Variants in JAK1 observed in about 807,000 individuals in gnomAD.
JAK1 encodes the protein tyrosine-protein kinase JAK1.
A neutral mutation model predicts 136.6 loss-of-function variants in JAK1; 16 were observed. That is an observed-to-expected ratio of 0.12 (90% CI 0.08 to 0.18). The LOEUF (loss-of-function observed/expected upper bound fraction) is 0.18. Ranked by LOEUF, JAK1 falls within the 10% of genes least tolerant of loss-of-function variation. The pLI, the probability that JAK1 is intolerant of heterozygous loss-of-function variation, is 1.00. For synonymous variants in JAK1, 492 were observed against 519.5 expected (o/e 0.95, Z 0.72); for missense variants, 859 against 1,450.1 (o/e 0.59, Z 6.62).
intron 2 of JAK1, among the ~76,000 whole-genome samples, chr1:65,006,042 T>C (rs1646801383): frequency 6.6e-6 from 1 of 152,226 alleles, no homozygotes; most frequent in Non-Finnish European, 1.5e-5. Context: ...ATGTCTACAC[T>C]AATATAGAAG....
At chr1:64,991,318 CA>C (rs1189391492) in intron 2 of JAK1, 1 of 152,204 alleles carries the variant, frequency 6.6e-6, no homozygotes, top group African/African-American at 2.4e-5. Flanking sequence ...GCTGGAAGTC[CA>C]AGATCAAGAT....
intron 1 of JAK1, among the ~76,000 whole-genome samples, chr1:64,943,859 C>CCAGTAATAAAATGAGCAAAGGG (rs1645933250): frequency 6.6e-6 from 1 of 151,000 alleles, no homozygotes; most frequent in East Asian, 1.9e-4. Context: ...GACAAACACG[C>CCAGTAATAAAATGAGCAAAGGG]CAGTAATAAA....
At chr1:64,940,175 G>C (rs187729866) in intron 1 of JAK1, among the ~76,000 whole-genome samples, 44 of 152,254 alleles carry the variant, frequency 2.9e-4, no homozygotes, top group Admixed American at 1.8e-3. Context: ...AGGCACAACA[G>C]GAAGTCCAAA....
intron 4 of JAK1, among the ~76,000 whole-genome samples, chr1:64,874,503 A>G (rs574512943): frequency 3.3e-5 from 5 of 152,218 alleles, no homozygotes; most frequent in East Asian, 1.9e-4. Context: ...TGGAGGGTCA[A>G]AGTTATGCAT....
intron 1 of JAK1, among the ~76,000 whole-genome samples, chr1:64,962,745 T>C (rs1377392907): frequency 2.0e-5 from 3 of 152,084 alleles, no homozygotes; most frequent in African/African-American, 7.2e-5. Context: ...AATGAGAACA[T>C]GGCTTGGAGG....
chr1:64,876,175 G>T (rs1017436664), intron 4 of JAK1: 26 of 152,206 alleles, frequency 1.7e-4, no homozygotes, highest in African/African-American at 6.3e-4. Flanking sequence ...ACTGCCAGGG[G>T]AGGTGGCAGG....
At chr1:65,005,208 G>A (rs948305833) in intron 2 of JAK1, among the ~76,000 whole-genome samples, 3 of 152,252 alleles carry the variant, frequency 2.0e-5, no homozygotes, top group Middle Eastern at 3.4e-3. Flanking sequence ...GCAGGGCATG[G>A]TGGCACGCAC....
intron 1 of JAK1, among the ~76,000 whole-genome samples, chr1:64,944,234 A>AG (rs1393423991): frequency 1.3e-5 from 2 of 151,832 alleles, no homozygotes; most frequent in Non-Finnish European, 2.9e-5. Flanking sequence ...AAAAAAAAAA[A>AG]AAAAAAAAAG....
intron 9 of JAK1, among the ~76,000 whole-genome samples, chr1:64,858,561 T>C (rs1656091866): frequency 1.3e-5 from 2 of 152,326 alleles, no homozygotes; most frequent in Admixed American, 1.3e-4. Context: ...GAGCAGGCTC[T>C]TTAGGCAAGG....
At chr1:65,030,891 T>C (rs911146848) in intron 2 of JAK1, among the ~76,000 whole-genome samples, 5 of 151,906 alleles carry the variant, frequency 3.3e-5, no homozygotes, top group African/African-American at 1.2e-4. Flanking sequence ...CAGTGGCTCA[T>C]GCATGTGGTC....
chr1:64,881,676 G>A (rs1015054682), intron 3 of JAK1, among the ~76,000 whole-genome samples: 3 of 152,116 alleles, frequency 2.0e-5, no homozygotes, highest in East Asian at 3.9e-4. Context: ...GCTAGAAACC[G>A]ACACCCCAAA....
chr1:64,868,245 T>C (rs535433661), intron 6 of JAK1, among the ~76,000 whole-genome samples: 4 of 152,230 alleles, frequency 2.6e-5, no homozygotes, highest in Admixed American at 6.5e-5. Context: ...AGAAGAACGT[T>C]GAGTACCCCT....
At chr1:65,053,288 A>T (rs1240869472) in intron 1 of JAK1, among the ~76,000 whole-genome samples, 1 of 151,800 alleles carries the variant, frequency 6.6e-6, no homozygotes, top group African/African-American at 2.4e-5. Flanking sequence ...GGAGGTTGCA[A>T]TGAGGCAAGA....
chr1:64,889,544 T>C (rs1012598976), intron 1 of JAK1, among the ~76,000 whole-genome samples: 1 of 152,196 alleles, frequency 6.6e-6, no homozygotes. Flanking sequence ...GTTACTCAAA[T>C]TGCTTCAGTT....
At chr1:64,933,003 A>T (rs1015188600) in intron 1 of JAK1, among the ~76,000 whole-genome samples, 4 of 152,236 alleles carry the variant, frequency 2.6e-5, no homozygotes, top group African/African-American at 9.6e-5. Context: ...ACAAGTACAG[A>T]ACCTCCGAGA....
chr1:64,945,300 A>G (rs1274659390), intron 1 of JAK1, among the ~76,000 whole-genome samples: 1 of 152,200 alleles, frequency 6.6e-6, no homozygotes, highest in Admixed American at 6.5e-5. Flanking sequence ...GCAATTGAGA[A>G]TATTAATAAA....
chr1:64,956,699 C>T (rs954110497), intron 1 of JAK1, among the ~76,000 whole-genome samples: 5 of 152,194 alleles, frequency 3.3e-5, no homozygotes, highest in Non-Finnish European at 7.3e-5. Flanking sequence ...TGAATAGTGT[C>T]TGAAACTGTG....
upstream of JAK1, among the ~76,000 whole-genome samples, chr1:64,968,416 G>A (rs927807461): frequency 1.3e-5 from 2 of 152,278 alleles, no homozygotes; most frequent in East Asian, 3.9e-4. Context: ...TCACCCAGCC[G>A]AGTCTGAGGA....
chr1:64,878,259 T>C (rs1422408372), intron 4 of JAK1, among the ~76,000 whole-genome samples: 1 of 152,246 alleles, frequency 6.6e-6, no homozygotes. Flanking sequence ...TTTTCCATTC[T>C]AGTTACTGAA....
Sources: gnomAD v4.1 joint callset for allele counts (sites outside exome capture counted in the v4.1 genomes callset) on GRCh38, gnomAD v4.1.1 for gene constraint, MANE v1.5 for transcripts, NCBI Gene and HGNC (gene_info 2026-07-23, HGNC 2026-07-21) for gene names.